The following PPARGC1B variants were observed in gnomAD, a reference collection of about 807,000 sequenced individuals.
The protein encoded by PPARGC1B is PPARG coactivator 1 beta.
Under a neutral mutation model 101.6 loss-of-function variants are expected in PPARGC1B, and 34 were observed. The ratio of observed to expected loss-of-function variants is 0.33; its 90% CI spans 0.25 to 0.45. The LOEUF is 0.45. PPARGC1B is among the 20% of genes least tolerant of loss of function. PPARGC1B has a pLI of 1.00. For synonymous variants in PPARGC1B, 548 were observed against 539.3 expected (o/e 1.02, Z -0.22); for missense variants, 1,234 against 1,317.6 (o/e 0.94, Z 0.98).
At chr5:149,829,902 G>A (rs1175914682) in intron 3 of PPARGC1B, among the ~76,000 whole-genome samples, 2 of 151,776 alleles carry the variant, frequency 1.3e-5, no homozygotes, top group Admixed American at 6.6e-5. Context: ...GGGTGTGGTG[G>A]CAGACGCCTG....
chr5:149,772,283 ACGGTAGTGTG>A, intron 1 of PPARGC1B: 2 of 1,497,304 alleles, frequency 1.3e-6, no homozygotes, highest in African/African-American at 1.4e-5. Context: ...GGGTTAGGGT[ACGGTAGTGTG>A]CGTGATGTGC....
At chr5:149,737,784 A>G (rs1027245532) in intron 1 of PPARGC1B, among the ~76,000 whole-genome samples, 7 of 152,168 alleles carry the variant, frequency 4.6e-5, no homozygotes, top group Non-Finnish European at 1.0e-4. Context: ...ACCTGAGGTC[A>G]GGAGTTCGAG....
At chr5:149,735,405 A>C (rs1432167957) in intron 1 of PPARGC1B, among the ~76,000 whole-genome samples, 2 of 152,316 alleles carry the variant, frequency 1.3e-5, no homozygotes, top group South Asian at 2.1e-4. Flanking sequence ...GGAATAATAG[A>C]AGAAAGACTG....
intron 1 of PPARGC1B, among the ~76,000 whole-genome samples, chr5:149,796,028 GAGGTGCAGC>G (rs1161454251): frequency 6.6e-6 from 1 of 152,172 alleles, no homozygotes; most frequent in South Asian, 2.1e-4. Flanking sequence ...ACTGTGTGCC[GAGGTGCAGC>G]AGGAAGCATG....
At chr5:149,825,904 C>T (rs1289757465) in intron 2 of PPARGC1B, among the ~76,000 whole-genome samples, 1 of 152,228 alleles carries the variant, frequency 6.6e-6, no homozygotes, top group African/African-American at 2.4e-5. Context: ...GTAGTAGTTA[C>T]AGTCATCACA....
intron 1 of PPARGC1B, among the ~76,000 whole-genome samples, chr5:149,785,183 T>C (rs1418746319): frequency 6.6e-6 from 1 of 152,198 alleles, no homozygotes; most frequent in Non-Finnish European, 1.5e-5. Context: ...CAGCCCCTCC[T>C]GGGCCTCAGT....
In PPARGC1B at chr5:149,836,694, G is replaced by C; in HGVS notation, c.2239G>C (p.Ala747Pro). Residue 747 changes from alanine (A) to proline (P), a missense_variant, in exon 8 of 12, where the codon GCC becomes CCC. This residue lies in a region of PPARGC1B where 497 missense variants were observed against 529.5 expected (regional missense o/e 0.94). Coordinates refer to ENST00000309241, the MANE Select transcript of PPARGC1B (RefSeq NM_133263.4). ...REEDRSCDAG[A>P]PPKDSTLLRD... is the part of the protein sequence containing the mutation. ...GGAAGACAGAAGCTGTGATGCTGGCGCCCCACCCAAGGACAGCACGCTGCT... is the reference window on the plus strand; with the variant it reads ...GGAAGACAGAAGCTGTGATGCTGGCCCCCCACCCAAGGACAGCACGCTGCT... 6.2e-7 allele frequency: 1 copy of C among 1,613,670 alleles called. No homozygotes were observed. The highest frequency in any genetic ancestry group is 8.5e-7 in the Non-Finnish European group (1 of 1,179,994).
chr5:149,824,488 G>A (rs2113369151), intron 2 of PPARGC1B, among the ~76,000 whole-genome samples: 1 of 152,322 alleles, frequency 6.6e-6, no homozygotes, highest in East Asian at 1.9e-4. Flanking sequence ...GGCCTTCTGG[G>A]AGCCCAGGGA....
chr5:149,777,322 G>A (rs976490982), intron 1 of PPARGC1B, among the ~76,000 whole-genome samples: 12 of 152,184 alleles, frequency 7.9e-5, no homozygotes, highest in African/African-American at 2.2e-4. Flanking sequence ...GGGAAGTCCA[G>A]AAACACATGC....
At chr5:149,765,034 A>G (rs1755855308) in intron 1 of PPARGC1B, among the ~76,000 whole-genome samples, 1 of 151,422 alleles carries the variant, frequency 6.6e-6, no homozygotes, top group Admixed American at 6.6e-5. Flanking sequence ...CAGTTAAGTT[A>G]GGAGAGGGTA....
chr5:149,805,726 C>G (rs2018427), intron 1 of PPARGC1B, among the ~76,000 whole-genome samples: 125,995 of 152,302 alleles, frequency 0.83, 52,391 homozygotes, highest in Middle Eastern at 0.93. Flanking sequence ...TAAGCCACTG[C>G]GCCTGGCCTA....
At chr5:149,765,486 C>G (rs1351877284) in intron 1 of PPARGC1B, among the ~76,000 whole-genome samples, 3 of 152,174 alleles carry the variant, frequency 2.0e-5, no homozygotes, top group Non-Finnish European at 4.4e-5. Flanking sequence ...CATATCTCCT[C>G]TGGTCTGTGA....
chr5:149,800,942 C>G (rs1014847929), intron 1 of PPARGC1B, among the ~76,000 whole-genome samples: 1 of 152,260 alleles, frequency 6.6e-6, no homozygotes, highest in South Asian at 2.1e-4. Context: ...TGACCCAAAG[C>G]TGCTTTCAAG....
In PPARGC1B at chr5:149,847,576, G is replaced by C; in HGVS notation, c.*18G>C. 3 of 1,572,442 alleles carry C rather than the reference G, an allele frequency of 1.9e-6. No homozygotes were observed. The highest frequency in any genetic ancestry group is 2.6e-6 in the Non-Finnish European group (3 of 1,142,378). On this transcript the variant is annotated 3_prime_UTR_variant, in exon 12 of 12. Coordinates refer to ENST00000309241, the MANE Select transcript of PPARGC1B (RefSeq NM_133263.4). ...TGCATTGATAACAGCCTTAACCCTC[G>C]AGGAATACCTCAATACCTCAGACAA... is the stretch of plus-strand genomic sequence containing the variant.
Position 149,850,521 on chromosome 5 carries a change from G to A in PPARGC1B, c.*2963G>A, listed in dbSNP as rs977578556. 1 of 152,206 alleles carries A rather than the reference G, an allele frequency of 6.6e-6. No homozygotes were observed. The highest frequency in any genetic ancestry group is 1.5e-5 in the Non-Finnish European group (1 of 68,042). The allele number at this position is 152,206 out of a possible 1,614,324, so 9.4% of individuals were successfully genotyped here. ...AGTTCTAAAATTTACCGACCCTGCA[G>A]ACAACCTCTATCCCGAAGGACTCAT... is the stretch of plus-strand genomic sequence containing the variant. On this transcript the variant is annotated 3_prime_UTR_variant, in exon 12 of 12. Transcript: ENST00000309241.
intron 1 of PPARGC1B, among the ~76,000 whole-genome samples, chr5:149,736,828 T>A (rs570016207): frequency 6.6e-6 from 1 of 152,294 alleles, no homozygotes; most frequent in South Asian, 2.1e-4. Flanking sequence ...TACAGAGATT[T>A]GCCATATACC....
intron 1 of PPARGC1B, among the ~76,000 whole-genome samples, chr5:149,750,211 C>T (rs1561851448): frequency 6.6e-6 from 1 of 151,558 alleles, no homozygotes; most frequent in Non-Finnish European, 1.5e-5. Context: ...TTCCAACCTC[C>T]CCAGTGAATC....
rs868248653 is a variant in PPARGC1B at position 149,840,240 on chromosome 5, G to A, written c.2694+124G>A. ...CCCCTCAGTCTTCGGCCTCTGCCTG[G>A]GGAAGAAGGGACTATGGCAACAGCA... is the stretch of plus-strand genomic sequence containing the variant. On this transcript the variant is annotated intron_variant, in intron 9 of 11. Transcript: ENST00000309241. The A allele has an allele frequency of 7.6e-6, 6 of 788,206 alleles. 1 individual carries two copies. The Middle Eastern group carries it at 2.0e-3, about 256-fold the overall frequency. 48.8% of individuals were successfully genotyped at this position (788,206 alleles called of 1,614,324 possible).
At chr5:149,741,885 C>G (rs1306290755) in intron 1 of PPARGC1B, among the ~76,000 whole-genome samples, 4 of 152,168 alleles carry the variant, frequency 2.6e-5, no homozygotes, top group African/African-American at 9.7e-5. Flanking sequence ...ACCTCTCGGC[C>G]TCCCAAAGTG....
Sources: gnomAD v4.1 joint callset for allele counts (sites outside exome capture counted in the v4.1 genomes callset) on GRCh38, gnomAD v4.1.1 for gene constraint, gnomAD v4.1.1 regional missense constraint, MANE v1.5 for transcripts, NCBI Gene and HGNC (gene_info 2026-07-23, HGNC 2026-07-21) for gene names.